The following ARIH1 variants were observed in gnomAD, a reference collection of about 807,000 sequenced individuals.
ARIH1 encodes the protein ariadne RBR E3 ubiquitin protein ligase 1, also known as E3 ubiquitin-protein ligase ARIH1.
ARIH1 carries 8 observed loss-of-function variants against 85.0 expected under a neutral mutation model. The observed-to-expected ratio is 0.09, with a 90% CI of 0.06 to 0.17. The LOEUF (loss-of-function observed/expected upper bound fraction) is 0.17. Ranked by LOEUF, ARIH1 falls within the 10% of genes least tolerant of loss-of-function variation. ARIH1 has a pLI of 1.00. For synonymous variants in ARIH1, 238 were observed against 253.6 expected, an observed-to-expected ratio of 0.94 and a Z score of 0.59; for missense variants, 311 against 718.1, an observed-to-expected ratio of 0.43 and a Z score of 6.48.
At chr15:72,565,967 T>C (rs1299357968) in intron 7 of ARIH1, among the ~76,000 whole-genome samples, 2 of 152,144 alleles carry the variant, frequency 1.3e-5, no homozygotes, top group Non-Finnish European at 1.5e-5. Context: ...TGTTTGTTAA[T>C]TATACTTCTT....
chr15:72,564,530 G>A (rs1465696349), intron 7 of ARIH1, among the ~76,000 whole-genome samples: 1 of 152,148 alleles, frequency 6.6e-6, no homozygotes, highest in Non-Finnish European at 1.5e-5. Flanking sequence ...TTTCTAGCTT[G>A]CACTTCCAAG....
chr15:72,561,187 T>G (rs2140431870), intron 5 of ARIH1, among the ~76,000 whole-genome samples: 1 of 152,332 alleles, frequency 6.6e-6, no homozygotes, highest in East Asian at 1.9e-4. Flanking sequence ...AATGCGCTTA[T>G]ACTTGGCACT....
At chr15:72,549,821 T>A (rs2064145791) in intron 3 of ARIH1, among the ~76,000 whole-genome samples, 1 of 152,252 alleles carries the variant, frequency 6.6e-6, no homozygotes, top group Admixed American at 6.5e-5. Flanking sequence ...GTAGATAATA[T>A]TTCATGTATT....
chr15:72,483,007 T>A (rs1351416522), intron 1 of ARIH1, among the ~76,000 whole-genome samples: 1 of 151,972 alleles, frequency 6.6e-6, no homozygotes, highest in Non-Finnish European at 1.5e-5. Flanking sequence ...CACCCCAGCT[T>A]ATTTTTTTGT....
intron 1 of ARIH1, among the ~76,000 whole-genome samples, chr15:72,512,892 G>GT (rs2063956681): frequency 6.6e-6 from 1 of 151,962 alleles, no homozygotes; most frequent in Admixed American, 6.6e-5. Context: ...ATTTCTATCA[G>GT]TTTTTTCTTT....
At chr15:72,482,890 G>C (rs999343455) in intron 1 of ARIH1, among the ~76,000 whole-genome samples, 4 of 150,022 alleles carry the variant, frequency 2.7e-5, no homozygotes, top group African/African-American at 9.8e-5. Context: ...GCCCAGGCTG[G>C]AGTGCAATGG....
At chr15:72,570,357 T>C (rs778193696) in intron 10 of ARIH1, 50 bp downstream of exon 10, 1 of 1,605,834 alleles carries the variant, frequency 6.2e-7, no homozygotes, top group African/African-American at 1.3e-5. Context: ...GTATGTGCCA[T>C]GTATTATGAA....
intron 1 of ARIH1, among the ~76,000 whole-genome samples, chr15:72,488,825 T>C (rs2063847521): frequency 6.6e-6 from 1 of 152,210 alleles, no homozygotes; most frequent in African/African-American, 2.4e-5. Context: ...AAGGAAGAAA[T>C]GTTTGAATTC....
chr15:72,543,470 ATCC>A (rs1257537946), intron 2 of ARIH1, among the ~76,000 whole-genome samples: 2 of 152,132 alleles, frequency 1.3e-5, no homozygotes, highest in African/African-American at 2.4e-5. Flanking sequence ...CTTTCTGATA[ATCC>A]TCCTTTTTAT....
chr15:72,491,638 A>T (rs1250010212), intron 1 of ARIH1, among the ~76,000 whole-genome samples: 1 of 152,156 alleles, frequency 6.6e-6, no homozygotes, highest in Admixed American at 6.5e-5. Flanking sequence ...AATTGTTCAC[A>T]TTTCTCTTCT....
At chr15:72,565,632 A>C (rs917343562) in intron 7 of ARIH1, among the ~76,000 whole-genome samples, 1 of 152,196 alleles carries the variant, frequency 6.6e-6, no homozygotes, top group Non-Finnish European at 1.5e-5. Flanking sequence ...CTACTTTCCA[A>C]TGTATTTTTA....
At chr15:72,486,685 TA>T (rs1029664787) in intron 1 of ARIH1, among the ~76,000 whole-genome samples, 2 of 143,794 alleles carry the variant, frequency 1.4e-5, no homozygotes, top group African/African-American at 4.9e-5. Context: ...TTTTCATTTT[TA>T]AAAATGACTT....
chr15:72,515,093 T>C (rs1048924264), intron 1 of ARIH1, among the ~76,000 whole-genome samples: 1 of 152,214 alleles, frequency 6.6e-6, no homozygotes, highest in Non-Finnish European at 1.5e-5. Context: ...CCGAGCACTT[T>C]GGGAGGCCGA....
Position 72,474,649 on chromosome 15 carries a change from G to C in ARIH1, c.10G>C (p.Asp4His). MDS[D>H]EGYNYEFDED... ...CCCCGCGCGTCGCGCCATGGACTCG[G>C]ACGAGGGCTACAACTACGAGTTCGA... is the stretch of plus-strand genomic sequence containing the variant. The change falls in exon 1 of 14, where the codon GAC becomes CAC. Residue 4 changes from aspartate (D) to histidine (H), a missense_variant. By Grantham distance (81) the Asp-to-His change is moderately conservative (BLOSUM62 -1). Transcript: ENST00000379887. 1 of 1,537,322 alleles carries C rather than the reference G, an allele frequency of 6.5e-7. No homozygotes were observed. The highest frequency in any genetic ancestry group is 8.7e-7 in the Non-Finnish European group (1 of 1,143,632).
intron 1 of ARIH1, among the ~76,000 whole-genome samples, chr15:72,500,075 ATAG>A (rs2140401190): frequency 6.7e-6 from 1 of 149,722 alleles, no homozygotes; most frequent in Non-Finnish European, 1.5e-5. Context: ...GATAAGACTG[ATAG>A]TAGTCTGGTT....
At chr15:72,572,260 CAG>C in intron 11 of ARIH1, 95 bp downstream of exon 11, 1 of 832,748 alleles carries the variant, frequency 1.2e-6, no homozygotes, top group Admixed American at 2.3e-5. Flanking sequence ...TTTTTTGAGA[CAG>C]TGTCTCGCTT....
chr15:72,479,162 C>T (rs745771007), intron 1 of ARIH1, among the ~76,000 whole-genome samples: 16 of 152,158 alleles, frequency 1.1e-4, no homozygotes, highest in South Asian at 4.1e-4. Flanking sequence ...AAAGGAAATG[C>T]TCACTGCAGC....
intron 1 of ARIH1, among the ~76,000 whole-genome samples, chr15:72,503,590 C>A (rs762569993): frequency 6.6e-6 from 1 of 152,194 alleles, no homozygotes. Context: ...TTTAACTCCC[C>A]TTTGCTCAGA....
chr15:72,483,057 T>G (rs1428315578), intron 1 of ARIH1, among the ~76,000 whole-genome samples: 1 of 152,136 alleles, frequency 6.6e-6, no homozygotes, highest in African/African-American at 2.4e-5. Context: ...TTTTTTTGTT[T>G]TGCCATGTTG....
Sources: gnomAD v4.1 joint callset for allele counts (sites outside exome capture counted in the v4.1 genomes callset) on GRCh38, gnomAD v4.1.1 for gene constraint, MANE v1.5 for transcripts, NCBI Gene and HGNC (gene_info 2026-07-23, HGNC 2026-07-21) for gene names.